Variants in CHEK1 observed in about 807,000 individuals in gnomAD.
The protein encoded by CHEK1 is serine/threonine-protein kinase Chk1.
In CHEK1, 32 loss-of-function variants were observed where a neutral mutation model predicts 60.2. That is an observed-to-expected ratio of 0.53 (90% confidence interval 0.40 to 0.71). CHEK1 has a LOEUF of 0.71. Ranked by LOEUF, CHEK1 falls within the 30% of genes least tolerant of loss-of-function variation. The pLI, the probability that CHEK1 is intolerant of heterozygous loss-of-function variation, is 0.00. For synonymous variants in CHEK1, 179 were observed against 187.2 expected, an observed-to-expected ratio of 0.96 and a Z score of 0.36; for missense variants, 399 against 564.6, an observed-to-expected ratio of 0.71 and a Z score of 2.97.
chr11:125,666,915 A>C (rs1004755256), intron 13 of CHEK1, among the ~76,000 whole-genome samples: 1 of 145,364 alleles, frequency 6.9e-6, no homozygotes, highest in African/African-American at 2.5e-5. Context: ...GATATAGTTG[A>C]ATCTTGATTT....
chr11:125,628,565 A>G lies in CHEK1; in HGVS notation c.290-667A>G, dbSNP rs145051628. Reference sequence around the variant, plus strand: ...GATAACTGATAAAAGAACTTTCATAATAAAACTGTTTCACGAAGGACCTCA... The same window carrying G: ...GATAACTGATAAAAGAACTTTCATAGTAAAACTGTTTCACGAAGGACCTCA... On this transcript the variant is annotated intron_variant, in intron 3 of 12. Coordinates refer to ENST00000438015, the MANE Select transcript of CHEK1 (RefSeq NM_001114122.3). Among the ~76,000 whole-genome samples the G allele has an allele frequency of 2.7e-3, 410 of 152,284 alleles. 1 individual carries two copies. Among genetic ancestry groups the G allele is most frequent in the African/African-American group, 8.9e-3 (370 of 41,538 alleles).
chr11:125,645,155 C>T lies in CHEK1; in HGVS notation c.1233+512C>T, dbSNP rs141885810. 2.7e-3 allele frequency among the ~76,000 whole-genome samples: 408 copies of T among 151,828 alleles called. 1 individual carries two copies. The highest frequency in any genetic ancestry group is 8.9e-3 in the African/African-American group (368 of 41,388). On this transcript the variant is annotated intron_variant, in intron 11 of 12. Coordinates refer to ENST00000438015, the MANE Select transcript of CHEK1 (RefSeq NM_001114122.3). ...TTTAATTTTTAGCCACTGTGCCTGG[C>T]CTAAGAAATAATATTTCTTAAAAGA...
chr11:125,680,427 T>TG (rs2134135384), downstream of CHEK1, among the ~76,000 whole-genome samples: 1 of 152,326 alleles, frequency 6.6e-6, no homozygotes, highest in Admixed American at 6.5e-5. Flanking sequence ...AAACCTTCAT[T>TG]GGGCTTCTAC....
chr11:125,633,290 T>C lies in CHEK1; in HGVS notation c.552T>C (p.Phe184=). ...CAGAACTTCTGAAGAGAAGAGAATT[T>C]CATGCAGAACCAGTTGATGTTTGGT... ...VAPELLKRRE[F]HAEPVDVWSC... The change falls in exon 6 of 13, where the codon TTT becomes TTC. Residue 184 remains phenylalanine, a synonymous_variant. Transcript: ENST00000438015. The C allele has an allele frequency of 3.1e-6, 5 of 1,607,458 alleles. No individual in the cohort carries two copies. Among genetic ancestry groups the C allele is most frequent in the Non-Finnish European group, 4.2e-6 (5 of 1,178,184 alleles).
rs531748713 is a variant in CHEK1, at chr11:125,626,989, C to T, written c.65+156C>T. On this transcript the variant is annotated intron_variant, in intron 2 of 12. Coordinates refer to ENST00000438015, the MANE Select transcript of CHEK1 (RefSeq NM_001114122.3). ...GCTAGGATTAAAAATTTTTTCCTTCCCTTTAAAAAAAAAAGTTTTCTTTGT... is the reference window on the plus strand; with the variant it reads ...GCTAGGATTAAAAATTTTTTCCTTCTCTTTAAAAAAAAAAGTTTTCTTTGT... 2.6e-5 allele frequency among the ~76,000 whole-genome samples: 4 copies of T among 151,864 alleles called. No homozygotes were observed. In the South Asian group the frequency reaches 6.2e-4, roughly 24 times the overall value.
At chr11:125,678,218 AAAG>A (rs752297823), downstream of CHEK1, 390 of 1,614,092 alleles carry the variant, frequency 2.4e-4, no homozygotes, top group Non-Finnish European at 3.2e-4. Context: ...TTTCAAGTGA[AAAG>A]AACTCACCTG....
rs1941892267 is a variant in CHEK1 at position 125,655,969 on chromosome 11, C to T, written c.*649C>T. 4.8e-6 allele frequency: 1 copy of T among 208,370 alleles called. No individual in the cohort carries two copies. Among genetic ancestry groups the T allele is most frequent in the Non-Finnish European group, 9.8e-6 (1 of 102,424 alleles). The allele number at this position is 208,370 out of a possible 1,614,324, so 12.9% of individuals were successfully genotyped here. On this transcript the variant is annotated 3_prime_UTR_variant, in exon 13 of 13. Coordinates refer to ENST00000438015, the MANE Select transcript of CHEK1 (RefSeq NM_001114122.3). ...ACTCTAGTGCTTAACTAACTTTACT[C>T]TAAAAATTACTGTTGAACATCTTAA...
intron 6 of CHEK1, among the ~76,000 whole-genome samples, chr11:125,634,589 T>G (rs1439681328): frequency 6.6e-6 from 1 of 152,024 alleles, no homozygotes; most frequent in Non-Finnish European, 1.5e-5. Context: ...CCTCCCAAAG[T>G]GCTGGGATTA....
chr11:125,678,918 G>A (rs1942648690), downstream of CHEK1, among the ~76,000 whole-genome samples: 1 of 141,386 alleles, frequency 7.1e-6, no homozygotes, highest in Non-Finnish European at 1.5e-5. Flanking sequence ...TGTGGGTTGG[G>A]GATTCAGAGA....
chr11:125,681,098 AT>A (rs1205980477), downstream of CHEK1: 2 of 184,954 alleles, frequency 1.1e-5, 1 homozygote, highest in Non-Finnish European at 2.2e-5. The surrounding 1 kb of genome is among the most constrained non-coding windows in gnomAD (Gnocchi z 4.2). Context: ...AAAAGCACAT[AT>A]TTTTTGTAAT....
chr11:125,660,002 C>G (rs1280890366), downstream of CHEK1, among the ~76,000 whole-genome samples: 1 of 152,152 alleles, frequency 6.6e-6, no homozygotes, highest in African/African-American at 2.4e-5. Flanking sequence ...TTTCAAGATT[C>G]TCCATGTTGT....
intron 13 of CHEK1, among the ~76,000 whole-genome samples, chr11:125,669,522 C>CTTTTTTTTTTTTTTTT (rs67333022): frequency 8.7e-6 from 1 of 114,704 alleles, no homozygotes; most frequent in African/African-American, 3.3e-5. Flanking sequence ...TTCTTTTTTC[C>CTTTTTTTTTTTTTTTT]TTTTTTTTTT....
intron 8 of CHEK1, among the ~76,000 whole-genome samples, chr11:125,641,211 A>G (rs10893405): frequency 0.2 from 30,161 of 152,020 alleles, 3,323 homozygotes; most frequent in African/African-American, 0.29. Flanking sequence ...TATCTCATCA[A>G]TATTTTATAC....
chr11:125,633,297 G>C lies in CHEK1; in HGVS notation c.559G>C (p.Glu187Gln). 6.2e-7 allele frequency: 1 copy of C among 1,605,908 alleles called. No individual in the cohort carries two copies. The highest frequency in any genetic ancestry group is 8.5e-7 in the Non-Finnish European group (1 of 1,177,614). The change falls in exon 6 of 13, where the codon GAA (glutamate) becomes CAA (glutamine). Residue 187 changes from glutamate (E) to glutamine (Q), a missense_variant. Glu to Gln is a conservative substitution (Grantham distance 29). Transcript: ENST00000438015. ...ELLKRREFHA[E>Q]PVDVWSCGIV... ...TCTGAAGAGAAGAGAATTTCATGCA[G>C]AACCAGTTGATGTTTGGTCCTGTGG... is the stretch of plus-strand genomic sequence containing the variant.
chr11:125,640,966 T>TA (rs915746247), intron 8 of CHEK1, among the ~76,000 whole-genome samples: 5 of 152,128 alleles, frequency 3.3e-5, no homozygotes, highest in Non-Finnish European at 7.4e-5. Context: ...AGTAGCATAA[T>TA]AAAATCTTGT....
intron 8 of CHEK1, chr11:125,643,498 A>G (rs1235764682): frequency 4.8e-6 from 1 of 207,236 alleles, no homozygotes; most frequent in African/African-American, 2.3e-5. Flanking sequence ...GTCTCAAAAA[A>G]AGAAAAAAAA....
chr11:125,672,621 C>T (rs768673984), intron 13 of CHEK1: 39 of 1,613,938 alleles, frequency 2.4e-5, no homozygotes, highest in Non-Finnish European at 2.8e-5. Context: ...AGATTGATTT[C>T]GACAGCATAT....
Position 125,673,189 on chromosome 11 carries a change from G to C in CHEK1, c.*28-2739G>C, listed in dbSNP as rs908474687. Among the ~76,000 whole-genome samples the C allele has an allele frequency of 2.9e-5, 4 of 140,258 alleles. No homozygotes were observed. The Admixed American group carries it at 3.0e-4, about 11-fold the overall frequency. The allele number at this position is 140,258 out of a possible 152,430, so 92.0% of individuals were successfully genotyped here. On this transcript the variant is annotated intron_variant, in intron 13 of 13. Transcript: ENST00000428830. ...CTCTTTGCTTGCACATCATACTGTG[G>C]ACTACACCCTTTCTTTTCTTTTCTT...
downstream of CHEK1, chr11:125,676,383 A>G (rs758288228): frequency 1.2e-6 from 2 of 1,614,110 alleles, no homozygotes; most frequent in South Asian, 1.1e-5. Context: ...TTTAACATGC[A>G]CTGCTGGGAA....
Sources: gnomAD v4.1 joint callset for allele counts (sites outside exome capture counted in the v4.1 genomes callset) on GRCh38, gnomAD v4.1.1 for gene constraint, Gnocchi (gnomAD v3.1) non-coding constraint, MANE v1.5 for transcripts, NCBI Gene and HGNC (gene_info 2026-07-23, HGNC 2026-07-21) for gene names.